EYS: variants seen among roughly 807,000 people sequenced by gnomAD.
The protein encoded by EYS is EGF-like photoreceptor maintenance factor.
A neutral mutation model predicts 282.1 loss-of-function variants in EYS; 250 were observed. The ratio of observed to expected loss-of-function variants is 0.89; its 90% CI spans 0.80 to 0.98. EYS has a LOEUF of 0.98. Ranked by LOEUF, EYS falls within the 50% of genes least tolerant of loss-of-function variation. The pLI, the probability that EYS is intolerant of heterozygous loss-of-function variation, is 0.00. For missense variants in EYS, 4,016 were observed against 3,709.0 expected (o/e 1.08, Z -2.15); for synonymous variants, 1,355 against 1,282.9 (o/e 1.06, Z -1.20).
chr6:64,047,371 C>T (rs912065568), intron 33 of EYS, among the ~76,000 whole-genome samples: 5 of 152,090 alleles, frequency 3.3e-5, no homozygotes, highest in South Asian at 4.2e-4. Flanking sequence ...ATTATATCAA[C>T]GTGCGGTAGG....
intron 12 of EYS, chr6:65,295,628 C>G: frequency 1.9e-6 from 1 of 517,292 alleles, no homozygotes; most frequent in Non-Finnish European, 3.4e-6. Flanking sequence ...ATGCTTCAGC[C>G]TGACCTTATT....
intron 8 of EYS, among the ~76,000 whole-genome samples, chr6:65,360,842 A>G (rs1252780857): frequency 6.6e-6 from 1 of 152,132 alleles, no homozygotes; most frequent in Non-Finnish European, 1.5e-5. Context: ...AAACAATGGG[A>G]ACAGAAAGGA....
intron 8 of EYS, among the ~76,000 whole-genome samples, chr6:65,360,800 G>C (rs896274486): frequency 6.6e-6 from 1 of 152,156 alleles, no homozygotes; most frequent in Non-Finnish European, 1.5e-5. Flanking sequence ...CCCATTTAGT[G>C]TAGTCACTGC....
chr6:63,958,927 G>T (rs183149531), intron 35 of EYS, among the ~76,000 whole-genome samples: 1 of 152,306 alleles, frequency 6.6e-6, no homozygotes, highest in East Asian at 1.9e-4. Context: ...ACACTCAAGA[G>T]TTCTGATAGA....
chr6:63,947,032 A>G (rs949602036), intron 35 of EYS, among the ~76,000 whole-genome samples: 6 of 152,242 alleles, frequency 3.9e-5, no homozygotes, highest in African/African-American at 1.4e-4. Flanking sequence ...ATATGCCTCA[A>G]AGGTAGTATT....
chr6:65,326,478 GTTTGA>G (rs1192696181), intron 11 of EYS, among the ~76,000 whole-genome samples: 6 of 151,376 alleles, frequency 4.0e-5, no homozygotes, highest in South Asian at 2.1e-4. Flanking sequence ...TCAGTAGAAT[GTTTGA>G]TTTAACACCC....
intron 15 of EYS, among the ~76,000 whole-genome samples, chr6:64,930,733 G>C (rs114793619): frequency 1.4e-3 from 206 of 152,212 alleles, no homozygotes; most frequent in African/African-American, 4.7e-3. Flanking sequence ...AGTCATCTGG[G>C]AGCAAACCTT....
intron 33 of EYS, among the ~76,000 whole-genome samples, chr6:64,005,622 A>C (rs1417609573): frequency 4.6e-5 from 7 of 152,154 alleles, no homozygotes; most frequent in African/African-American, 1.4e-4. Flanking sequence ...TAAGTCTTTA[A>C]TCCATCGTGA....
intron 31 of EYS, among the ~76,000 whole-genome samples, chr6:64,192,046 T>C (rs1181947440): frequency 1.4e-5 from 2 of 143,874 alleles, no homozygotes; most frequent in Middle Eastern, 3.5e-3. Context: ...TGTTATCTCA[T>C]TGTGGTTTTG....
intron 7 of EYS, among the ~76,000 whole-genome samples, chr6:65,392,569 A>G (rs1766088965): frequency 6.6e-6 from 1 of 152,222 alleles, no homozygotes; most frequent in Non-Finnish European, 1.5e-5. Context: ...ACACATGAAA[A>G]AATGCTCACC....
rs149387392 is a variant in EYS at position 64,302,943 on chromosome 6, C to T, written c.6191+4027G>A. Among the ~76,000 whole-genome samples, 118 of 152,126 alleles carry T rather than the reference C, an allele frequency of 7.8e-4. 1 individual carries two copies. The East Asian group carries it at 0.017, about 22-fold the overall frequency. On this transcript the variant is annotated intron_variant, in intron 30 of 42. Transcript: ENST00000503581. ...GTCCTCTTTGAATTCCAGCACGATG[C>T]ATCAAACCATACCATGGCATGGCTA...
In EYS at chr6:64,591,791, G is replaced by A. The variant is rs1413411401; in HGVS notation, c.4076C>T (p.Ala1359Val). ...CGATGTTTTGTCCTGGACAATTTGT[G>A]CTGGGTCACGAATACCAAAATTCAG... ...RFLNFGIRDP[A>V]QIVQDKTSVS... Residue 1359 changes from alanine to valine, a missense_variant, in exon 26 of 43, where the codon GCA becomes GTA. Physicochemically the swap from Ala to Val is moderately conservative, Grantham distance 64. Coordinates refer to ENST00000503581, the MANE Select transcript of EYS (RefSeq NM_001142800.2). 6.4e-7 allele frequency: 1 copy of A among 1,551,146 alleles called. No individual in the cohort carries two copies. The highest frequency in any genetic ancestry group is 2.4e-5 in the East Asian group (1 of 40,910).
intron 35 of EYS, among the ~76,000 whole-genome samples, chr6:63,978,177 C>T (rs191502424): frequency 8.8e-4 from 134 of 151,992 alleles, no homozygotes; most frequent in Non-Finnish European, 1.1e-3. Context: ...GTAGAAAATA[C>T]CTTAAATACT....
At chr6:64,201,526 G>C (rs1765459490) in intron 31 of EYS, among the ~76,000 whole-genome samples, 1 of 151,998 alleles carries the variant, frequency 6.6e-6, no homozygotes, top group Non-Finnish European at 1.5e-5. Flanking sequence ...TGCTGTCTGA[G>C]AGTGCCATAT....
At chr6:64,919,916 G>A (rs9453110) in intron 15 of EYS, among the ~76,000 whole-genome samples, 93,657 of 151,850 alleles carry the variant, frequency 0.62, 28,984 homozygotes, top group African/African-American at 0.65. Flanking sequence ...ATTGGGTCAC[G>A]CCTCCAGTAT....
intron 28 of EYS, among the ~76,000 whole-genome samples, chr6:64,390,163 A>G (rs978801970): frequency 1.3e-5 from 2 of 152,076 alleles, no homozygotes; most frequent in African/African-American, 2.4e-5. Flanking sequence ...CAGCAGTCTG[A>G]GATCAAACTG....
At chr6:64,471,811 T>C (rs1776129707) in intron 26 of EYS, among the ~76,000 whole-genome samples, 2 of 152,164 alleles carry the variant, frequency 1.3e-5, no homozygotes, top group Admixed American at 6.5e-5. Context: ...GCTGGAAGCA[T>C]CACACTCTTT....
At chr6:63,829,277 G>A (rs111672340) in intron 36 of EYS, among the ~76,000 whole-genome samples, 1,922 of 152,306 alleles carry the variant, frequency 0.013, 41 homozygotes, top group African/African-American at 0.04. Flanking sequence ...CACCTCACCC[G>A]GGAAATGCAA....
chr6:64,284,148 AG>A (rs1768407825), intron 30 of EYS, among the ~76,000 whole-genome samples: 1 of 152,246 alleles, frequency 6.6e-6, no homozygotes, highest in African/African-American at 2.4e-5. Flanking sequence ...ATCTGAGATA[AG>A]GCAATTCCCT....
Sources: allele counts gnomAD v4.1 joint callset (sites outside exome capture counted in the v4.1 genomes callset), GRCh38; gene constraint gnomAD v4.1.1; transcripts MANE v1.5; gene names NCBI Gene and HGNC (gene_info 2026-07-23, HGNC 2026-07-21).